Variants in NUP160 observed in about 807,000 individuals in gnomAD.
The protein encoded by NUP160 is nuclear pore complex protein Nup160.
NUP160 carries 94 observed loss-of-function variants against 196.9 expected under a neutral mutation model. That is an observed-to-expected ratio of 0.48 (90% CI 0.40 to 0.57). NUP160 has a LOEUF of 0.57. Ranked by LOEUF, NUP160 falls within the 20% of genes least tolerant of loss-of-function variation. The pLI is 0.00. For missense variants in NUP160, 1,638 were observed against 1,748.3 expected, an observed-to-expected ratio of 0.94 and a Z score of 1.13; for synonymous variants, 605 against 619.7, an observed-to-expected ratio of 0.98 and a Z score of 0.35.
intron 18 of NUP160, 85 bp from the exon 19 acceptor site, chr11:47,807,225 C>G (rs909690317): frequency 2.5e-6 from 2 of 793,618 alleles, no homozygotes; most frequent in Admixed American, 2.6e-5. Context: ...AGAACACTGT[C>G]AATTTAATTA....
intron 6 of NUP160, among the ~76,000 whole-genome samples, chr11:47,836,255 A>T (rs1254726561): frequency 1.3e-5 from 2 of 152,114 alleles, no homozygotes; most frequent in Non-Finnish European, 2.9e-5. Context: ...TTCGGGGGAA[A>T]ATAAAAAGAG....
intron 27 of NUP160, 40 bp from the exon 28 acceptor site, chr11:47,792,986 T>A (rs1404346120): frequency 4.6e-6 from 7 of 1,530,394 alleles, no homozygotes; most frequent in African/African-American, 1.4e-5. Context: ...AACTTCCAAA[T>A]TTTTTTTTCT....
Position 47,821,722 on chromosome 11 carries a change from A to G in NUP160, c.1277+2T>C, listed in dbSNP as rs1445831971. The G allele has an allele frequency of 6.2e-7, 1 of 1,603,112 alleles. No homozygotes were observed. Among genetic ancestry groups the G allele is most frequent in the African/African-American group, 1.3e-5 (1 of 74,646 alleles). ...AGGATGACAGAATTAAGTGACCCAT[A>G]CTGTTCAAAGTTGATGTATTTCACT... On this transcript the variant is annotated splice_donor_variant, in intron 9 of 35. Transcript: ENST00000378460. LOFTEE classifies it high-confidence loss of function.
chr11:47,798,246 C>T, exon 25 of NUP160: 1 of 1,611,078 alleles, frequency 6.2e-7, no homozygotes, highest in Non-Finnish European at 8.5e-7. Flanking sequence ...TTTGAAAATA[C>T]ATGTCCTTAG....
intron 10 of NUP160, among the ~76,000 whole-genome samples, chr11:47,818,540 CAAACAAAACA>C (rs201043142): frequency 2.3e-5 from 3 of 128,392 alleles, no homozygotes; most frequent in East Asian, 2.4e-4. Context: ...GTATTATATG[CAAACAAAACA>C]AAACAAAACA....
At chr11:47,778,758 C>G in exon 36 of NUP160, 1 of 186,494 alleles carries the variant, frequency 5.4e-6, no homozygotes, top group Non-Finnish European at 1.1e-5. Flanking sequence ...TCAGCTACAA[C>G]AAGCCAACAA....
chr11:47,848,303 C>A lies in NUP160; in HGVS notation c.118G>T (p.Ala40Ser), dbSNP rs2305984. 2.2e-3 allele frequency: 3,543 copies of A among 1,613,836 alleles called. 6 individuals are homozygous for A. Among genetic ancestry groups the A allele is most frequent in the Middle Eastern group, 8.4e-3 (51 of 6,058 alleles). ...AGCTCCACGAAGCTCCGTTCCAGGGCTCCCGCCGCCGCCATCTTCCCGCCG... is the reference window on the plus strand; with the variant it reads ...AGCTCCACGAAGCTCCGTTCCAGGGATCCCGCCGCCGCCATCTTCCCGCCG... The change falls in exon 1 of 36, where the codon GCC becomes TCC. Residue 40 changes from alanine to serine, a missense_variant. Ala to Ser is a moderately conservative substitution (Grantham distance 99). Coordinates refer to ENST00000378460, the Ensembl canonical transcript of NUP160.
exon 1 of NUP160, chr11:47,848,289 G>T: frequency 6.2e-7 from 1 of 1,614,136 alleles, no homozygotes. Context: ...GCTCCACGAA[G>T]CTCCGTTCCA....
intron 6 of NUP160, 71 bp downstream of exon 6, chr11:47,836,816 C>T (rs1852184804): frequency 3.2e-6 from 3 of 938,544 alleles, no homozygotes; most frequent in Non-Finnish European, 5.1e-6. Context: ...AGAGAAACAG[C>T]AAAATTTACT....
At chr11:47,835,929 G>A in intron 6 of NUP160, 120 bp from the exon 7 acceptor site, 1 of 803,112 alleles carries the variant, frequency 1.2e-6, no homozygotes, top group Non-Finnish European at 1.9e-6. Flanking sequence ...TCTGCTAAAA[G>A]ACCTTACAGG....
chr11:47,837,001 C>T (rs1852189564), exon 6 of NUP160: 1 of 1,598,816 alleles, frequency 6.3e-7, no homozygotes, highest in Admixed American at 1.7e-5. Context: ...ACTGGTCACC[C>T]CTAAAACATA....
chr11:47,794,102 A>G (rs924521066), intron 27 of NUP160, among the ~76,000 whole-genome samples: 1 of 152,134 alleles, frequency 6.6e-6, no homozygotes, highest in Admixed American at 6.6e-5. Flanking sequence ...TAGTTGTTTA[A>G]TGGGTATATA....
chr11:47,784,678 T>C (rs896235886), intron 33 of NUP160: 11 of 262,114 alleles, frequency 4.2e-5, no homozygotes, highest in Middle Eastern at 1.1e-3. Context: ...TCCCATAAGT[T>C]ATCACCCCAT....
At chr11:47,795,189 T>C (rs1454563358) in intron 27 of NUP160, among the ~76,000 whole-genome samples, 1 of 152,226 alleles carries the variant, frequency 6.6e-6, no homozygotes, top group Non-Finnish European at 1.5e-5. Flanking sequence ...TGGAACAGCA[T>C]GGGACTCCAG....
chr11:47,825,902 A>G (rs1466283553), intron 7 of NUP160, among the ~76,000 whole-genome samples: 1 of 152,214 alleles, frequency 6.6e-6, no homozygotes, highest in Non-Finnish European at 1.5e-5. Flanking sequence ...CTGTTTTTAT[A>G]AAGAAAATTT....
chr11:47,841,074 A>T (rs143961055), intron 2 of NUP160, among the ~76,000 whole-genome samples: 3,296 of 152,284 alleles, frequency 0.022, 45 homozygotes, highest in Non-Finnish European at 0.032. Context: ...ATGTGCAAAA[A>T]TATTACAAAA....
rs58246222 is a variant in NUP160 at position 47,824,008 on chromosome 11, CATATATATATATATATATATATAT to C, written c.1102-1868_1102-1845del. 5.2e-3 allele frequency among the ~76,000 whole-genome samples: 381 copies of C among 73,126 alleles called. 3 individuals are homozygous for C. The highest frequency in any genetic ancestry group is 0.036 in the Middle Eastern group (4 of 112). 48.0% of individuals were successfully genotyped at this position (73,126 alleles called of 152,430 possible). A position where few individuals can be genotyped will look rare whatever the true frequency, so the allele number is the denominator to read the frequency against. On this transcript the variant is annotated intron_variant, in intron 7 of 35. Coordinates refer to ENST00000378460, the Ensembl canonical transcript of NUP160. The stretch of plus-strand genomic sequence containing the variant: ...TGAGACCCTGCTTTCAATTCTTTTG[CATATATATATATATATATATATAT>C]ATATATATATATATATATATACACA...
intron 9 of NUP160, chr11:47,821,521 C>G: frequency 1.9e-6 from 1 of 524,430 alleles, no homozygotes; most frequent in African/African-American, 1.9e-5. Context: ...TGCCACCAGG[C>G]CCAGCTAATT....
At chr11:47,843,124 A>G (rs1016318114) in intron 2 of NUP160, among the ~76,000 whole-genome samples, 28 of 152,034 alleles carry the variant, frequency 1.8e-4, no homozygotes, top group Admixed American at 1.8e-3. Context: ...GCACATAGAT[A>G]TATTATTATA....
Sources: allele counts gnomAD v4.1 joint callset (sites outside exome capture counted in the v4.1 genomes callset), GRCh38; gene constraint gnomAD v4.1.1; transcripts MANE v1.5; gene names NCBI Gene and HGNC (gene_info 2026-07-23, HGNC 2026-07-21).